BCAT1: variants seen among roughly 807,000 people sequenced by gnomAD.
BCAT1 encodes the protein branched-chain-amino-acid aminotransferase, cytosolic.
BCAT1 carries 48 observed loss-of-function variants against 52.4 expected under a neutral mutation model. The observed-to-expected ratio is 0.92, with a 90% CI of 0.73 to 1.16. The LOEUF (loss-of-function observed/expected upper bound fraction) is 1.16. Among genes scored for constraint, BCAT1 ranks in the 50% most tolerant of loss-of-function variants. BCAT1 has a pLI of 0.00. For missense variants in BCAT1, 451 were observed against 457.1 expected, an observed-to-expected ratio of 0.99 and a Z score of 0.12; for synonymous variants, 167 against 161.3, an observed-to-expected ratio of 1.04 and a Z score of -0.27.
chr12:24,898,381 A>T (rs1334078237), intron 2 of BCAT1, among the ~76,000 whole-genome samples: 1 of 152,170 alleles, frequency 6.6e-6, no homozygotes, highest in Non-Finnish European at 1.5e-5. Context: ...TGAGAAAAAC[A>T]GGGCATATTA....
At chr12:24,943,734 C>T (rs1192975926) in intron 1 of BCAT1, among the ~76,000 whole-genome samples, 1 of 152,146 alleles carries the variant, frequency 6.6e-6, no homozygotes, top group Non-Finnish European at 1.5e-5. Flanking sequence ...CCTGTAATCC[C>T]AGCACCTTGG....
intron 1 of BCAT1, chr12:24,902,107 T>C: frequency 1.4e-6 from 2 of 1,467,120 alleles, no homozygotes; most frequent in Non-Finnish European, 1.8e-6. Flanking sequence ...CGCGGCGGTT[T>C]TTGTCCTCCT....
intron 5 of BCAT1, among the ~76,000 whole-genome samples, chr12:24,851,848 TA>T (rs1941523442): frequency 6.6e-6 from 1 of 152,188 alleles, no homozygotes; most frequent in Non-Finnish European, 1.5e-5. Flanking sequence ...TCTGCACTTT[TA>T]TTTAACCTCT....
chr12:24,882,178 C>G (rs908747803), intron 3 of BCAT1, among the ~76,000 whole-genome samples: 1 of 152,174 alleles, frequency 6.6e-6, no homozygotes, highest in African/African-American at 2.4e-5. Context: ...CTTACACAGA[C>G]CAGCTGTAGA....
At chr12:24,943,846 T>C (rs1037250275) in intron 1 of BCAT1, among the ~76,000 whole-genome samples, 10 of 151,742 alleles carry the variant, frequency 6.6e-5, no homozygotes, top group Non-Finnish European at 1.5e-4. Flanking sequence ...TAGCCGGGCG[T>C]GGTGGCGGGC....
intron 1 of BCAT1, chr12:24,904,814 C>G (rs1245544014): frequency 1.3e-5 from 2 of 152,220 alleles, no homozygotes; most frequent in African/African-American, 2.4e-5. Flanking sequence ...TGTTATCATG[C>G]ATTGCCCCCA....
Position 24,842,216 on chromosome 12 carries a change from C to T in BCAT1, c.683G>A (p.Gly228Asp), listed in dbSNP as rs1565457720. 6.2e-7 allele frequency: 1 copy of T among 1,613,706 alleles called. No individual in the cohort carries two copies. The highest frequency in any genetic ancestry group is 8.5e-7 in the Non-Finnish European group (1 of 1,179,842). The change falls in exon 7 of 11, where the codon GGC becomes GAC. Residue 228 changes from glycine (G) to aspartate (D), a missense_variant. Coordinates refer to ENST00000261192, the MANE Select transcript of BCAT1 (RefSeq NM_005504.7). ...TGDCKMGGNY[G>D]SSLFAQCEAV... The stretch of plus-strand genomic sequence containing the variant: ...TTCACATTGGGCAAAAAGAGATGAG[C>T]CGTAATTCCTTTAAGAAAGAGAAAA...
chr12:24,937,844 T>C (rs1044774905), intron 1 of BCAT1, among the ~76,000 whole-genome samples: 4 of 152,176 alleles, frequency 2.6e-5, no homozygotes, highest in African/African-American at 9.7e-5. Context: ...TTAAAATAGA[T>C]AGGACTGCAT....
At chr12:24,933,802 C>T (rs1019151274) in intron 1 of BCAT1, among the ~76,000 whole-genome samples, 1 of 152,034 alleles carries the variant, frequency 6.6e-6, no homozygotes, top group African/African-American at 2.4e-5. Flanking sequence ...TGAGAGGAAA[C>T]ACCGGCGGGT....
At position 24,939,504 on chromosome 12, in the gene BCAT1, G is replaced by A. The variant is rs1020696629; in HGVS notation, c.6+9423C>T. 9.2e-5 allele frequency among the ~76,000 whole-genome samples: 14 copies of A among 152,086 alleles called. No individual in the cohort carries two copies. In the East Asian group the frequency reaches 9.7e-4, roughly 11 times the overall value. On this transcript the variant is annotated intron_variant, in intron 1 of 10. Transcript: ENST00000261192. ...TTAGTTAAATTAAATACAACACTTCGGAAATACTGTCAAAAATATGTTACT... is the reference window on the plus strand; with the variant it reads ...TTAGTTAAATTAAATACAACACTTCAGAAATACTGTCAAAAATATGTTACT...
At chr12:24,846,356 C>G (rs901524719) in intron 6 of BCAT1, among the ~76,000 whole-genome samples, 2 of 152,168 alleles carry the variant, frequency 1.3e-5, no homozygotes, top group Non-Finnish European at 2.9e-5. Context: ...CACAGGATAA[C>G]TGATACCATG....
chr12:24,820,995 T>C lies in BCAT1; in HGVS notation c.1120-2946A>G, dbSNP rs1018664087. Among the ~76,000 whole-genome samples, 8 of 152,148 alleles carry C rather than the reference T, an allele frequency of 5.3e-5. No homozygotes were observed. The South Asian group carries it at 1.7e-3, about 32-fold the overall frequency. ...AAGGCTGTGCAAAGCTTTGTAATCC[T>C]GTAACACGTGGAGGAGGATGTGCTG... On this transcript the variant is annotated intron_variant, in intron 10 of 10. Transcript: ENST00000261192.
intron 1 of BCAT1, among the ~76,000 whole-genome samples, chr12:24,923,457 C>T (rs1441714445): frequency 6.6e-6 from 1 of 152,168 alleles, no homozygotes; most frequent in Non-Finnish European, 1.5e-5. Flanking sequence ...CCCAGGCTCC[C>T]AGGCTGGAGT....
At chr12:24,823,536 A>G (rs1046394772) in intron 10 of BCAT1, among the ~76,000 whole-genome samples, 1 of 152,162 alleles carries the variant, frequency 6.6e-6, no homozygotes, top group Non-Finnish European at 1.5e-5. Flanking sequence ...TCCCCACCCA[A>G]ATCTCATGTG....
Position 24,878,603 on chromosome 12 carries a change from T to G in BCAT1, c.437A>C (p.Lys146Thr), listed in dbSNP as rs144527883. The change falls in exon 5 of 11, where the codon AAA (lysine) becomes ACA (threonine). Residue 146 changes from lysine (K) to threonine (T), a missense_variant. Physicochemically the swap from Lys to Thr is moderately conservative, Grantham distance 78. Coordinates refer to ENST00000261192, the MANE Select transcript of BCAT1 (RefSeq NM_005504.7). ...ELLECIQQLV[K>T]LDQEWVPYST... ...ATATGGGACCCATTCTTGATCCAATTTCACAAGCTGTTGAATACACTCTAA... is the reference window on the plus strand; with the variant it reads ...ATATGGGACCCATTCTTGATCCAATGTCACAAGCTGTTGAATACACTCTAA... The G allele has an allele frequency of 1.0e-4, 167 of 1,609,850 alleles. No individual in the cohort carries two copies. The highest frequency in any genetic ancestry group is 6.6e-4 in the Middle Eastern group (4 of 6,050).
At position 24,845,583 on chromosome 12, in the gene BCAT1, G is replaced by T. The variant is rs118081533; in HGVS notation, c.675-3359C>A. On this transcript the variant is annotated intron_variant, in intron 6 of 10. Coordinates refer to ENST00000261192, the MANE Select transcript of BCAT1 (RefSeq NM_005504.7). ...GACAGCTCTTGCATTTCCACTATTT[G>T]GTATATGTGAACTTAAGCAAGTTAG... Among the ~76,000 whole-genome samples the T allele has an allele frequency of 1.1e-4, 17 of 152,196 alleles. No homozygotes were observed. The East Asian group carries it at 3.1e-3, about 28-fold the overall frequency.
chr12:24,836,955 A>AAAG lies in BCAT1; in HGVS notation c.818-360_818-359insCTT, dbSNP rs1271730997. 5.8e-3 allele frequency among the ~76,000 whole-genome samples: 534 copies of AAAG among 92,254 alleles called. 17 individuals carry two copies. Among genetic ancestry groups the AAAG allele is most frequent in the Non-Finnish European group, 9.0e-3 (332 of 36,914 alleles). 60.5% of individuals were successfully genotyped at this position (92,254 alleles called of 152,430 possible). ...GAAAGAAAGAAAGAAAGAAAGAAAG[A>AAAG]AAAGAGAAAGAAAGAAAGAGAGAGA... is the stretch of plus-strand genomic sequence containing the variant. On this transcript the variant is annotated intron_variant, in intron 7 of 10. Transcript: ENST00000261192.
At chr12:24,927,214 G>A (rs1943603216) in intron 1 of BCAT1, among the ~76,000 whole-genome samples, 1 of 152,012 alleles carries the variant, frequency 6.6e-6, no homozygotes. Flanking sequence ...AAGGTGAGGT[G>A]GGAGAATCAC....
chr12:24,947,948 G>A (rs1399261645), intron 1 of BCAT1, among the ~76,000 whole-genome samples: 2 of 152,220 alleles, frequency 1.3e-5, no homozygotes, highest in African/African-American at 4.8e-5. Context: ...TAATTGTAGT[G>A]AAAGTTTTTG....
Sources: gnomAD v4.1 joint callset for allele counts (sites outside exome capture counted in the v4.1 genomes callset) on GRCh38, gnomAD v4.1.1 for gene constraint, MANE v1.5 for transcripts, NCBI Gene and HGNC (gene_info 2026-07-23, HGNC 2026-07-21) for gene names.